DDX10: variants seen among roughly 807,000 people sequenced by gnomAD.
DDX10 encodes probable ATP-dependent RNA helicase DDX10.
DDX10 carries 74 observed loss-of-function variants against 104.3 expected under a neutral mutation model. The observed-to-expected ratio is 0.71, with a 90% CI of 0.59 to 0.86. The LOEUF (loss-of-function observed/expected upper bound fraction) is 0.86. DDX10 is among the 40% of genes least tolerant of loss of function. The pLI is 0.00. For synonymous variants in DDX10, 351 were observed against 353.4 expected (o/e 0.99, Z 0.08); for missense variants, 952 against 1,040.0 (o/e 0.92, Z 1.16).
intron 17 of DDX10, chr11:108,920,733 T>C (rs1056210121): frequency 6.6e-6 from 1 of 152,248 alleles, no homozygotes; most frequent in Admixed American, 6.5e-5. Context: ...CCTGGATCCA[T>C]GGACTAACCA....
intron 17 of DDX10, among the ~76,000 whole-genome samples, chr11:108,936,463 CA>C (rs1864038943): frequency 6.6e-6 from 1 of 151,896 alleles, no homozygotes; most frequent in Non-Finnish European, 1.5e-5. Flanking sequence ...TTCTTTATTG[CA>C]AAGAGTAATA....
At chr11:108,853,521 T>C (rs1474645936) in intron 16 of DDX10, among the ~76,000 whole-genome samples, 1 of 152,166 alleles carries the variant, frequency 6.6e-6, no homozygotes, top group Non-Finnish European at 1.5e-5. Context: ...TTTATACTTA[T>C]TGATGGTGTA....
chr11:108,845,247 C>T (rs1301342944), intron 15 of DDX10, among the ~76,000 whole-genome samples: 1 of 151,780 alleles, frequency 6.6e-6, no homozygotes, highest in Non-Finnish European at 1.5e-5. Flanking sequence ...CAAAGACTTT[C>T]TTCTTTACTT....
chr11:108,739,684 A>G (rs2094322750), intron 13 of DDX10, among the ~76,000 whole-genome samples: 1 of 152,182 alleles, frequency 6.6e-6, no homozygotes, highest in South Asian at 2.1e-4. Flanking sequence ...ACCGTCTGGT[A>G]GAAAAAGTAT....
At chr11:108,914,868 A>G (rs1434241398) in intron 16 of DDX10, among the ~76,000 whole-genome samples, 3 of 151,420 alleles carry the variant, frequency 2.0e-5, no homozygotes. Context: ...CCTAGAGCTG[A>G]AAAGTACAGT....
chr11:108,913,204 A>G (rs1161512968), intron 16 of DDX10, among the ~76,000 whole-genome samples: 1 of 151,882 alleles, frequency 6.6e-6, no homozygotes, highest in African/African-American at 2.4e-5. Context: ...GGTTTTATAC[A>G]TTTTAGGGGG....
chr11:108,741,819 G>C (rs1371387204), intron 13 of DDX10, among the ~76,000 whole-genome samples: 1 of 152,018 alleles, frequency 6.6e-6, no homozygotes, highest in Non-Finnish European at 1.5e-5. Flanking sequence ...GCTTTGGCCA[G>C]GACTTCAAAG....
intron 15 of DDX10, among the ~76,000 whole-genome samples, chr11:108,846,686 C>T (rs1436039014): frequency 6.6e-6 from 1 of 152,194 alleles, no homozygotes; most frequent in African/African-American, 2.4e-5. Context: ...TTGATGGGCA[C>T]TTCAGTTTTT....
chr11:108,697,873 T>C (rs1006125686), intron 9 of DDX10, among the ~76,000 whole-genome samples: 2 of 152,270 alleles, frequency 1.3e-5, no homozygotes, highest in African/African-American at 4.8e-5. Flanking sequence ...AAAATGTTTT[T>C]ATTTGGGGAG....
chr11:108,936,221 C>T (rs1341456665), intron 17 of DDX10, among the ~76,000 whole-genome samples: 1 of 152,166 alleles, frequency 6.6e-6, no homozygotes, highest in African/African-American at 2.4e-5. Flanking sequence ...ATATTACATG[C>T]TGATTTTTTC....
At chr11:108,827,508 G>A (rs1862411643) in intron 13 of DDX10, among the ~76,000 whole-genome samples, 1 of 152,196 alleles carries the variant, frequency 6.6e-6, no homozygotes, top group South Asian at 2.1e-4. Flanking sequence ...TTACTATAGT[G>A]TGCTTTCTAT....
At position 108,758,797 on chromosome 11, in the gene DDX10, T is replaced by C. The variant is rs528333333; in HGVS notation, c.1965+35335T>C. Among the ~76,000 whole-genome samples the C allele has an allele frequency of 2.6e-5, 4 of 152,210 alleles. No homozygotes were observed. In the East Asian group the frequency reaches 7.7e-4, roughly 29 times the overall value. ...CTCATCTGGATGATCCAGGACAGTC[T>C]CCTTACTTTAAAGTTAGCTGATTAA... On this transcript the variant is annotated intron_variant, in intron 13 of 17. Coordinates refer to ENST00000322536, the MANE Select transcript of DDX10 (RefSeq NM_004398.4).
chr11:108,686,281 C>G (rs1463429726), intron 6 of DDX10, among the ~76,000 whole-genome samples: 1 of 152,162 alleles, frequency 6.6e-6, no homozygotes, highest in Non-Finnish European at 1.5e-5. Context: ...CTTTAGGGTT[C>G]ACTCTTGGTG....
chr11:108,768,247 C>A lies in DDX10; in HGVS notation c.1965+44785C>A, dbSNP rs2094358579. 1.3e-5 allele frequency among the ~76,000 whole-genome samples: 2 copies of A among 152,074 alleles called. 1 individual carries two copies. The highest frequency in any genetic ancestry group is 4.1e-4 in the South Asian group (2 of 4,824). ...TGGGAAGTGAGGGGAGAGTCAGCGCCCCTAATTCCTGTGTTGTTCAAGGGT... is the reference window on the plus strand; with the variant it reads ...TGGGAAGTGAGGGGAGAGTCAGCGCACCTAATTCCTGTGTTGTTCAAGGGT... On this transcript the variant is annotated intron_variant, in intron 13 of 17. Coordinates refer to ENST00000322536, the MANE Select transcript of DDX10 (RefSeq NM_004398.4).
chr11:108,904,637 GA>G (rs1258179767), intron 16 of DDX10, among the ~76,000 whole-genome samples: 1 of 152,076 alleles, frequency 6.6e-6, no homozygotes, highest in Non-Finnish European at 1.5e-5. Context: ...AAACCATGAA[GA>G]ATGTAGTAAA....
intron 16 of DDX10, among the ~76,000 whole-genome samples, chr11:108,891,135 A>G (rs1471233245): frequency 2.0e-5 from 3 of 152,214 alleles, no homozygotes; most frequent in Non-Finnish European, 4.4e-5. Context: ...CTGTGCAGCA[A>G]TGTGGGGTCT....
intron 16 of DDX10, among the ~76,000 whole-genome samples, chr11:108,856,948 A>G (rs1439640359): frequency 2.2e-5 from 3 of 135,258 alleles, no homozygotes; most frequent in African/African-American, 8.5e-5. Flanking sequence ...TTTCCTCTTT[A>G]CATTTTGAAC....
chr11:108,688,784 G>A (rs2134448280), intron 6 of DDX10, 152 bp from the exon 7 acceptor site: 1 of 677,778 alleles, frequency 1.5e-6, no homozygotes, highest in South Asian at 2.2e-5. Flanking sequence ...GTTTCCTAAG[G>A]GACAATAGAG....
intron 16 of DDX10, among the ~76,000 whole-genome samples, chr11:108,916,322 G>A (rs1006817731): frequency 6.6e-6 from 1 of 152,130 alleles, no homozygotes; most frequent in Non-Finnish European, 1.5e-5. Context: ...TTATTTTCAA[G>A]TAAACAATAA....
Sources: allele counts gnomAD v4.1 joint callset (sites outside exome capture counted in the v4.1 genomes callset), GRCh38; gene constraint gnomAD v4.1.1; transcripts MANE v1.5; gene names NCBI Gene and HGNC (gene_info 2026-07-23, HGNC 2026-07-21).